Variants in FGF14 observed in about 807,000 individuals in gnomAD.
FGF14 encodes fibroblast growth factor 14.
FGF14 carries 5 observed loss-of-function variants against 25.5 expected under a neutral mutation model. The ratio of observed to expected loss-of-function variants is 0.20; its 90% CI spans 0.10 to 0.41. FGF14 has a LOEUF of 0.41. FGF14 is among the 10% of genes least tolerant of loss of function. FGF14 has a pLI of 1.00. For missense variants in FGF14, 222 were observed against 320.1 expected (o/e 0.69, Z 2.34); for synonymous variants, 138 against 118.3 (o/e 1.17, Z -1.08).
At chr13:102,165,460 A>G (rs955684052) in intron 1 of FGF14, among the ~76,000 whole-genome samples, 1 of 152,018 alleles carries the variant, frequency 6.6e-6, no homozygotes, top group African/African-American at 2.4e-5. Flanking sequence ...TGTGGCACAT[A>G]TACACCATGG....
At chr13:101,993,306 G>A (rs867871136) in intron 1 of FGF14, among the ~76,000 whole-genome samples, 15 of 151,848 alleles carry the variant, frequency 9.9e-5, no homozygotes, top group African/African-American at 3.4e-4. Flanking sequence ...AACAAAACAA[G>A]GAAATTTTTT....
chr13:102,000,112 G>A (rs958419240), intron 1 of FGF14, among the ~76,000 whole-genome samples: 9 of 152,038 alleles, frequency 5.9e-5, no homozygotes, highest in South Asian at 2.1e-4. Flanking sequence ...TCAGGAGATC[G>A]AGACCATCCT....
chr13:102,116,051 G>T (rs181178263), intron 1 of FGF14, among the ~76,000 whole-genome samples: 56 of 152,124 alleles, frequency 3.7e-4, no homozygotes, highest in Admixed American at 1.6e-3. Context: ...CAGAAGTTGC[G>T]GTGAGCCGAG....
chr13:102,059,852 AAAAAAC>A (rs1222829746), intron 1 of FGF14, among the ~76,000 whole-genome samples: 2 of 151,826 alleles, frequency 1.3e-5, no homozygotes, highest in Non-Finnish European at 2.9e-5. Context: ...CTCCATCTCA[AAAAAAC>A]AAAAACAAAA....
At chr13:102,161,580 GAAGAA>G in intron 1 of FGF14, among the ~76,000 whole-genome samples, 1 of 3,540 alleles carries the variant, frequency 2.8e-4, no homozygotes, top group South Asian at 0.014. Context: ...AAAGAAAGAA[GAAGAA>G]GAAGAAGAAG....
At chr13:102,007,371 T>C (rs1434189535) in intron 1 of FGF14, among the ~76,000 whole-genome samples, 1 of 152,210 alleles carries the variant, frequency 6.6e-6, no homozygotes, top group Non-Finnish European at 1.5e-5. Flanking sequence ...GGTCAGCAAG[T>C]TGCATTTTGA....
chr13:102,054,910 C>T (rs190086606), intron 1 of FGF14, among the ~76,000 whole-genome samples: 37 of 152,304 alleles, frequency 2.4e-4, no homozygotes, highest in Admixed American at 1.8e-3. Flanking sequence ...CTATCACTCC[C>T]GCTTTCTGTT....
chr13:102,188,251 A>G (rs549629320), intron 1 of FGF14, among the ~76,000 whole-genome samples: 3 of 152,336 alleles, frequency 2.0e-5, no homozygotes, highest in South Asian at 2.1e-4. Flanking sequence ...ACTAGAACAC[A>G]TGTTATGAAT....
chr13:102,124,406 G>A (rs2045864251), intron 1 of FGF14, among the ~76,000 whole-genome samples: 1 of 152,044 alleles, frequency 6.6e-6, no homozygotes, highest in East Asian at 1.9e-4. Context: ...ATGTTGAGTT[G>A]TAGCCATAGT....
intron 1 of FGF14, among the ~76,000 whole-genome samples, chr13:102,325,389 G>A (rs1265276358): frequency 4.6e-5 from 7 of 152,036 alleles, no homozygotes; most frequent in Non-Finnish European, 8.8e-5. Flanking sequence ...TTACAATATT[G>A]CTTGGGGCCA....
chr13:102,371,225 T>G (rs748927123), intron 1 of FGF14, among the ~76,000 whole-genome samples: 3 of 152,200 alleles, frequency 2.0e-5, no homozygotes, highest in Non-Finnish European at 4.4e-5. Flanking sequence ...ATGTTCTTCA[T>G]GGGCTCCTCT....
intron 1 of FGF14, among the ~76,000 whole-genome samples, chr13:102,187,435 A>G (rs2140794411): frequency 6.6e-6 from 1 of 152,310 alleles, no homozygotes; most frequent in Admixed American, 6.5e-5. Flanking sequence ...CCTGATTTGA[A>G]TAGAACTTGT....
At position 101,742,753 on chromosome 13, in the gene FGF14, C is replaced by CCA. The variant is rs571980554; in HGVS notation, c.409-15945_409-15944dup. Among the ~76,000 whole-genome samples the CCA allele has an allele frequency of 2.8e-4, 43 of 152,198 alleles. No homozygotes were observed. In the East Asian group the frequency reaches 7.9e-3, roughly 28 times the overall value. On this transcript the variant is annotated intron_variant, in intron 3 of 4. Coordinates refer to ENST00000376143, the MANE Select transcript of FGF14 (RefSeq NM_004115.4). ...GAAATGCATTGGGCAAAGCTGCCTC[C>CCA]CATTCTATTCCTAAATAAGATAGTT...
At chr13:101,912,676 A>G (rs2033068929) in intron 1 of FGF14, among the ~76,000 whole-genome samples, 1 of 152,160 alleles carries the variant, frequency 6.6e-6, no homozygotes, top group African/African-American at 2.4e-5. Flanking sequence ...TTGCATTCTT[A>G]TAAATAACCC....
chr13:102,355,127 A>G (rs960114971), intron 1 of FGF14, among the ~76,000 whole-genome samples: 9 of 152,170 alleles, frequency 5.9e-5, no homozygotes, highest in Non-Finnish European at 1.2e-4. Flanking sequence ...AAGGTACCCA[A>G]TGAATGTTTG....
chr13:101,823,304 C>T (rs888665481), intron 3 of FGF14, among the ~76,000 whole-genome samples: 3 of 150,670 alleles, frequency 2.0e-5, no homozygotes, highest in African/African-American at 7.3e-5. Context: ...GTTCTTCGTG[C>T]TATTATTCTA....
At chr13:101,820,981 G>A (rs1327755679) in intron 3 of FGF14, among the ~76,000 whole-genome samples, 1 of 146,910 alleles carries the variant, frequency 6.8e-6, no homozygotes, top group Non-Finnish European at 1.5e-5. Flanking sequence ...ACAGAGTCTC[G>A]CTGTCGCCCA....
chr13:101,970,298 T>A (rs1364046874), intron 1 of FGF14, among the ~76,000 whole-genome samples: 7 of 152,250 alleles, frequency 4.6e-5, no homozygotes, highest in Non-Finnish European at 1.0e-4. Flanking sequence ...AGTATGGGTT[T>A]AAAATTAATT....
At chr13:102,329,726 T>C (rs2056575104) in intron 1 of FGF14, among the ~76,000 whole-genome samples, 1 of 152,042 alleles carries the variant, frequency 6.6e-6, no homozygotes, top group African/African-American at 2.4e-5. Flanking sequence ...ACCTCATTAC[T>C]AAGCACCCCT....
Sources: gnomAD v4.1 joint callset for allele counts (sites outside exome capture counted in the v4.1 genomes callset) on GRCh38, gnomAD v4.1.1 for gene constraint, MANE v1.5 for transcripts, NCBI Gene and HGNC (gene_info 2026-07-23, HGNC 2026-07-21) for gene names.